SLC9A8: variants seen among roughly 807,000 people sequenced by gnomAD.
The protein encoded by SLC9A8 is solute carrier family 9 member A8, also known as sodium/hydrogen exchanger 8.
A neutral mutation model predicts 66.6 loss-of-function variants in SLC9A8; 48 were observed. That is an observed-to-expected ratio of 0.72 (90% CI 0.57 to 0.92). The LOEUF (loss-of-function observed/expected upper bound fraction) is 0.92. Ranked by LOEUF, SLC9A8 falls within the 40% of genes least tolerant of loss-of-function variation. The pLI, the probability that SLC9A8 is intolerant of heterozygous loss-of-function variation, is 0.00. For synonymous variants in SLC9A8, 274 were observed against 282.6 expected (o/e 0.97, Z 0.31); for missense variants, 599 against 747.3 (o/e 0.80, Z 2.31).
intron 1 of SLC9A8, among the ~76,000 whole-genome samples, chr20:49,814,557 T>C (rs531855107): frequency 6.6e-6 from 1 of 152,170 alleles, no homozygotes; most frequent in East Asian, 1.9e-4. Flanking sequence ...TTTTGTAAAG[T>C]AGGGTAGGGC....
intron 7 of SLC9A8, among the ~76,000 whole-genome samples, chr20:49,853,589 G>T (rs1254287014): frequency 6.6e-6 from 1 of 152,220 alleles, no homozygotes; most frequent in African/African-American, 2.4e-5. Context: ...AATAAAATAG[G>T]ATCTCCCAGA....
chr20:49,851,443 T>C (rs1024566290), intron 7 of SLC9A8, among the ~76,000 whole-genome samples: 1 of 152,192 alleles, frequency 6.6e-6, no homozygotes. Context: ...GATCTAGTGC[T>C]GAAAAAGTGC....
intron 5 of SLC9A8, 107 bp downstream of exon 5, chr20:49,845,226 C>T (rs1461034774): frequency 3.8e-6 from 3 of 787,332 alleles, no homozygotes; most frequent in Admixed American, 3.8e-5. Context: ...GCAGCAGCAG[C>T]TCTGCTCCTT....
intron 8 of SLC9A8, among the ~76,000 whole-genome samples, chr20:49,862,117 T>TC (rs2088766663): frequency 6.7e-6 from 1 of 149,282 alleles, no homozygotes; most frequent in Non-Finnish European, 1.5e-5. Context: ...GCACTAATCT[T>TC]GGTACTTGAA....
intron 8 of SLC9A8, among the ~76,000 whole-genome samples, chr20:49,861,801 T>C (rs765473218): frequency 6.6e-6 from 1 of 152,226 alleles, no homozygotes; most frequent in Non-Finnish European, 1.5e-5. Flanking sequence ...TTTTACTTTG[T>C]TCTGTTACAG....
chr20:49,833,799 A>G (rs973119045), intron 3 of SLC9A8, among the ~76,000 whole-genome samples: 1 of 152,200 alleles, frequency 6.6e-6, no homozygotes, highest in African/African-American at 2.4e-5. Flanking sequence ...CTCAACAAAT[A>G]ATCATTAATT....
In SLC9A8 at chr20:49,839,618, T is replaced by G; in HGVS notation, c.348+19T>G. 1.3e-6 allele frequency: 2 copies of G among 1,559,774 alleles called. No homozygotes were observed. The highest frequency in any genetic ancestry group is 1.8e-6 in the Non-Finnish European group (2 of 1,136,220). ...TTGGAAGGTAGGTTTGCCCTTTGGT[T>G]GTTCTTAATTTTAGTAACATTGATC... On this transcript the variant is annotated intron_variant, in intron 4 of 15. Coordinates refer to ENST00000361573, the MANE Select transcript of SLC9A8 (RefSeq NM_015266.3).
chr20:49,884,070 A>G lies in SLC9A8; in HGVS notation c.1491+4A>G, dbSNP rs1335864964. On this transcript the variant is annotated splice_donor_region_variant and intron_variant, in intron 14 of 15. Coordinates refer to ENST00000361573, the MANE Select transcript of SLC9A8 (RefSeq NM_015266.3). ...CCTCAGCAAGACTGAGAAGATGGTT[A>G]GTACCATGCGCCTGTGGGGGTGGGG... 1 of 1,612,956 alleles carries G rather than the reference A, an allele frequency of 6.2e-7. No individual in the cohort carries two copies. The highest frequency in any genetic ancestry group is 1.7e-5 in the Admixed American group (1 of 60,012).
At chr20:49,867,086 G>C (rs662708) in intron 10 of SLC9A8, among the ~76,000 whole-genome samples, 139,209 of 152,256 alleles carry the variant, frequency 0.91, 63,746 homozygotes, top group African/African-American at 0.95. Flanking sequence ...TCTGTCAACT[G>C]TAGGTCTGTT....
intron 2 of SLC9A8, among the ~76,000 whole-genome samples, chr20:49,821,583 G>C (rs978961917): frequency 6.6e-6 from 1 of 152,116 alleles, no homozygotes; most frequent in Non-Finnish European, 1.5e-5. Context: ...AGGGTGACCA[G>C]TTAACAGGCA....
chr20:49,862,697 G>C (rs2088795859), intron 8 of SLC9A8, among the ~76,000 whole-genome samples: 1 of 152,138 alleles, frequency 6.6e-6, no homozygotes. Flanking sequence ...TCCCTCATTA[G>C]CCTGAGGGGA....
At chr20:49,854,279 C>A (rs2088372945) in intron 7 of SLC9A8, among the ~76,000 whole-genome samples, 1 of 152,116 alleles carries the variant, frequency 6.6e-6, no homozygotes, top group Admixed American at 6.5e-5. Context: ...GTCCTGCCTC[C>A]CTCGCCAGCC....
At chr20:49,813,416 G>A (rs1031494054) in intron 1 of SLC9A8, among the ~76,000 whole-genome samples, 2 of 152,154 alleles carry the variant, frequency 1.3e-5, no homozygotes, top group African/African-American at 2.4e-5. Flanking sequence ...CCAGGCCCTG[G>A]GCAGGTGGTA....
At chr20:49,829,896 G>T in intron 3 of SLC9A8, 1 of 573,638 alleles carries the variant, frequency 1.7e-6, no homozygotes, top group Non-Finnish European at 3.5e-6. Flanking sequence ...TCAGAGACAG[G>T]CTCCAAATCC....
rs773474317 is a variant in SLC9A8, at chr20:49,839,571, TAG to T, written c.323_324del (p.Glu108ValfsTer2). The T allele has an allele frequency of 5.0e-6, 8 of 1,600,894 alleles. No homozygotes were observed. The highest frequency in any genetic ancestry group is 6.8e-6 in the Non-Finnish European group (8 of 1,169,488). On this transcript the variant is annotated frameshift_variant, in exon 4 of 16. Coordinates refer to ENST00000361573, the MANE Select transcript of SLC9A8 (RefSeq NM_015266.3). LOFTEE classifies it high-confidence loss of function. ...CTCATGGGAGCAGTTATAAAAATTA[TAG>T]AGTTTAAAAAACTGGCGAATTGGAA...
At chr20:49,843,341 T>C (rs2087844433) in intron 4 of SLC9A8, among the ~76,000 whole-genome samples, 1 of 152,216 alleles carries the variant, frequency 6.6e-6, no homozygotes. Flanking sequence ...CTTGAGCTTG[T>C]TGTACATGCT....
chr20:49,865,799 C>G (rs534616528), intron 10 of SLC9A8, among the ~76,000 whole-genome samples: 10 of 152,304 alleles, frequency 6.6e-5, no homozygotes, highest in Admixed American at 2.6e-4. Flanking sequence ...ACCCCTGTTC[C>G]TGTGTGAGGG....
chr20:49,815,324 C>T (rs1324215614), intron 2 of SLC9A8, 135 bp downstream of exon 2: 2 of 624,314 alleles, frequency 3.2e-6, no homozygotes, highest in Non-Finnish European at 5.2e-6. Context: ...ACTGAGGGAA[C>T]ATGATCAGTT....
Position 49,839,708 on chromosome 20 carries a change from A to G in SLC9A8, c.348+109A>G, listed in dbSNP as rs6020078. The G allele has an allele frequency of 4.1e-3, 2,266 of 555,834 alleles. 52 individuals are homozygous for G. Among genetic ancestry groups the G allele is most frequent in the African/African-American group, 0.04 (2,004 of 50,196 alleles). 34.4% of individuals were successfully genotyped at this position (555,834 alleles called of 1,614,324 possible). On this transcript the variant is annotated intron_variant, in intron 4 of 15. Transcript: ENST00000361573. ...AGTTATTTATATTATTATGTTATAT[A>G]TCCCATTACTTTTTAATTTTTTTAT...
Sources: gnomAD v4.1 joint callset for allele counts (sites outside exome capture counted in the v4.1 genomes callset) on GRCh38, gnomAD v4.1.1 for gene constraint, MANE v1.5 for transcripts, NCBI Gene and HGNC (gene_info 2026-07-23, HGNC 2026-07-21) for gene names.